The following LOXHD1 variants were observed in gnomAD, a reference collection of about 807,000 sequenced individuals.
LOXHD1 encodes the protein lipoxygenase homology domain-containing protein 1.
LOXHD1 carries 205 observed loss-of-function variants against 248.2 expected under a neutral mutation model. The observed-to-expected ratio is 0.83, with a 90% CI of 0.74 to 0.93. LOXHD1 has a LOEUF of 0.93. Among genes scored for constraint, LOXHD1 ranks in the 40% least tolerant of loss-of-function variants. LOXHD1 has a pLI of 0.00. For missense variants in LOXHD1, 2,930 were observed against 2,971.6 expected (o/e 0.99, Z 0.33); for synonymous variants, 1,113 against 1,162.8 (o/e 0.96, Z 0.87).
chr18:46,656,876 C>T (rs2039189278), intron 1 of LOXHD1, 28 bp downstream of exon 1: 4 of 1,548,892 alleles, frequency 2.6e-6, no homozygotes, highest in Middle Eastern at 3.3e-4. Context: ...GCTGCACCAC[C>T]CGCCCCCCGC....
intron 23 of LOXHD1, among the ~76,000 whole-genome samples, chr18:46,543,207 C>T (rs1004575452): frequency 6.6e-6 from 1 of 152,092 alleles, no homozygotes; most frequent in Non-Finnish European, 1.5e-5. Context: ...TCCATTATAT[C>T]ATTTTGTATG....
chr18:46,538,008 G>C, intron 26 of LOXHD1, 148 bp downstream of exon 26: 1 of 671,820 alleles, frequency 1.5e-6, no homozygotes, highest in Non-Finnish European at 2.4e-6. Flanking sequence ...ATGTACTGAG[G>C]CCCAGGAAGG....
chr18:46,534,214 A>C, intron 27 of LOXHD1, 121 bp downstream of exon 27: 2 of 656,638 alleles, frequency 3.0e-6, no homozygotes, highest in Non-Finnish European at 2.6e-6. Flanking sequence ...GTGAATTTTC[A>C]TTATGAGATT....
chr18:46,529,246 G>C lies in LOXHD1; in HGVS notation c.4461C>G (p.Asp1487Glu). 6.4e-7 allele frequency: 1 copy of C among 1,551,726 alleles called. No individual in the cohort carries two copies. The change falls in exon 29 of 41, where the codon GAC (aspartate) becomes GAG (glutamate). Residue 1487 changes from aspartate to glutamate, a missense_variant. Coordinates refer to ENST00000642948, the MANE Select transcript of LOXHD1 (RefSeq NM_001384474.1). ...DAKVYITIYG[D>E]LGDTGERYLG... The stretch of plus-strand genomic sequence containing the variant: ...GGTATCGCTCCCCAGTGTCCCCGAG[G>C]TCTCCATAGATGGTGATGTACACCT...
chr18:46,560,048 T>TGCCGGGCCCCC, intron 19 of LOXHD1, 35 bp downstream of exon 19: 73 of 1,226,286 alleles, frequency 6.0e-5, no homozygotes, highest in Non-Finnish European at 7.6e-5. Context: ...GTCTGGCCAC[T>TGCCGGGCCCCC]CCCTCCCCAC....
intron 14 of LOXHD1, among the ~76,000 whole-genome samples, chr18:46,576,362 G>T (rs571776698): frequency 3.2e-4 from 48 of 152,134 alleles, no homozygotes; most frequent in African/African-American, 1.1e-3. Context: ...GAGAATGAGG[G>T]TTCACACTCC....
intron 37 of LOXHD1, among the ~76,000 whole-genome samples, chr18:46,497,286 A>T (rs2033933413): frequency 6.6e-6 from 1 of 152,174 alleles, no homozygotes; most frequent in African/African-American, 2.4e-5. Flanking sequence ...TCTGAACAAC[A>T]ATAGTAGCAA....
intron 1 of LOXHD1, among the ~76,000 whole-genome samples, chr18:46,653,209 T>G (rs2039134928): frequency 6.6e-6 from 1 of 152,176 alleles, no homozygotes; most frequent in East Asian, 1.9e-4. Context: ...ATCACGCCAC[T>G]GCACTCCAGC....
intron 5 of LOXHD1, among the ~76,000 whole-genome samples, chr18:46,615,449 T>C (rs926021978): frequency 6.6e-6 from 1 of 152,228 alleles, no homozygotes; most frequent in African/African-American, 2.4e-5. Context: ...TGATATAACA[T>C]GTGCCATCAG....
At chr18:46,571,436 C>A (rs1214978032) in intron 15 of LOXHD1, among the ~76,000 whole-genome samples, 1 of 152,190 alleles carries the variant, frequency 6.6e-6, no homozygotes, top group Non-Finnish European at 1.5e-5. Flanking sequence ...CACCACTGCA[C>A]TCCAGCCTCG....
intron 34 of LOXHD1, among the ~76,000 whole-genome samples, chr18:46,511,156 T>G (rs1392301562): frequency 6.6e-6 from 1 of 152,172 alleles, no homozygotes; most frequent in Non-Finnish European, 1.5e-5. Flanking sequence ...GGAGATTACA[T>G]TTACCCCCTC....
intron 8 of LOXHD1, among the ~76,000 whole-genome samples, chr18:46,600,730 G>C (rs963853291): frequency 6.6e-6 from 1 of 152,176 alleles, no homozygotes; most frequent in Non-Finnish European, 1.5e-5. Context: ...AGAACTATAT[G>C]ACTGTGGAAG....
At position 46,566,337 on chromosome 18, in the gene LOXHD1, T is replaced by C. The variant is rs1041867489; in HGVS notation, c.2357A>G (p.Asn786Ser). 6 of 1,551,838 alleles carry C rather than the reference T, an allele frequency of 3.9e-6. No homozygotes were observed. Among genetic ancestry groups the C allele is most frequent in the Non-Finnish European group, 5.2e-6 (6 of 1,147,022 alleles). ...AGCCTGGTTCTTGTCCAGCCAGCGG[T>C]TGGCGGGAAAGGTGTACTGCTTGCC... ...RQGKQYTFPA[N>S]RWLDKNQADG... is the part of the protein sequence containing the mutation. Residue 786 changes from asparagine to serine, a missense_variant, in exon 17 of 41, where the codon AAC becomes AGC. Physicochemically the swap from Asn to Ser is conservative, Grantham distance 46. Transcript: ENST00000642948.
chr18:46,529,714 T>C (rs2035979756), intron 28 of LOXHD1, among the ~76,000 whole-genome samples: 1 of 152,202 alleles, frequency 6.6e-6, no homozygotes, highest in African/African-American at 2.4e-5. Context: ...GGCAATAAAA[T>C]GCCTTCCCAT....
At chr18:46,547,120 T>A (rs2036883093) in intron 21 of LOXHD1, 62 bp from the exon 22 acceptor site, 1 of 1,542,568 alleles carries the variant, frequency 6.5e-7, no homozygotes, top group Middle Eastern at 1.7e-4. Context: ...CCAGGAGCAG[T>A]CATGGGCTGA....
chr18:46,539,514 C>G (rs1373779373), intron 25 of LOXHD1, among the ~76,000 whole-genome samples: 1 of 151,988 alleles, frequency 6.6e-6, no homozygotes, highest in Non-Finnish European at 1.5e-5. Flanking sequence ...CAGGATGGGT[C>G]TAGGGATCTG....
intron 34 of LOXHD1, among the ~76,000 whole-genome samples, chr18:46,515,111 T>C (rs1389649625): frequency 6.6e-6 from 1 of 152,220 alleles, no homozygotes; most frequent in Non-Finnish European, 1.5e-5. Flanking sequence ...TTGGCTATTG[T>C]AAGCTTCAGC....
chr18:46,566,620 G>C (rs977091549), intron 16 of LOXHD1, among the ~76,000 whole-genome samples, 171 bp from the exon 17 acceptor site: 64 of 152,154 alleles, frequency 4.2e-4, no homozygotes, highest in Non-Finnish European at 1.2e-4. Flanking sequence ...CCATCAGCCA[G>C]CTGGGGCACC....
rs1401695159 is a variant in LOXHD1, at chr18:46,499,203, A to G, written c.5878+6635T>C. ...TGTGAGTGCTAGATATAGAGGTATG[A>G]GCAGAGAAGTTTAGGAGCACAGAGT... is the stretch of plus-strand genomic sequence containing the variant. On this transcript the variant is annotated intron_variant, in intron 37 of 40. Coordinates refer to ENST00000642948, the MANE Select transcript of LOXHD1 (RefSeq NM_001384474.1). 2.0e-5 allele frequency among the ~76,000 whole-genome samples: 3 copies of G among 152,232 alleles called. No homozygotes were observed. The East Asian group carries it at 5.8e-4, about 29-fold the overall frequency.
Sources: gnomAD v4.1 joint callset for allele counts (sites outside exome capture counted in the v4.1 genomes callset) on GRCh38, gnomAD v4.1.1 for gene constraint, MANE v1.5 for transcripts, NCBI Gene and HGNC (gene_info 2026-07-23, HGNC 2026-07-21) for gene names.